ADORA2B: variants seen among roughly 807,000 people sequenced by gnomAD.
ADORA2B encodes adenosine receptor A2b.
A neutral mutation model predicts 20.8 loss-of-function variants in ADORA2B; 18 were observed. The ratio of observed to expected loss-of-function variants is 0.87; its 90% CI spans 0.60 to 1.29. The LOEUF is 1.29. ADORA2B is among the 50% of genes most tolerant of loss of function. The pLI is 0.00. For missense variants in ADORA2B, 441 were observed against 422.7 expected, an observed-to-expected ratio of 1.04 and a Z score of -0.38; for synonymous variants, 179 against 178.3, an observed-to-expected ratio of 1.00 and a Z score of -0.03.
At chr17:15,973,110 C>T (rs1289317976) in intron 1 of ADORA2B, among the ~76,000 whole-genome samples, 1 of 152,194 alleles carries the variant, frequency 6.6e-6, no homozygotes, top group Non-Finnish European at 1.5e-5. Flanking sequence ...CTCCAGCAGT[C>T]TGCAGAGGTA....
At chr17:15,893,470 C>T in the ADORA2B span, among the ~76,000 whole-genome samples, 2 of 150,680 alleles carry the variant, frequency 1.3e-5, no homozygotes, top group South Asian at 4.2e-4. Flanking sequence ...ATAATCAGCC[C>T]TTCCTTCCTT....
chr17:15,855,940 A>G, the ADORA2B span, among the ~76,000 whole-genome samples: 3 of 151,008 alleles, frequency 2.0e-5, no homozygotes, highest in Non-Finnish European at 4.4e-5. Context: ...CCACTGAACA[A>G]CTCCCCACTT....
Position 15,945,320 on chromosome 17 carries a change from C to T in ADORA2B, c.72C>T (p.Gly24=). The stretch of plus-strand genomic sequence containing the variant: ...TCATCGCCGCGCTTTCGGTGGCGGG[C>T]AACGTGCTGGTGTGCGCCGCGGTGG... The part of the protein sequence containing the change: ...ELVIAALSVA[G]NVLVCAAVGT... The change falls in exon 1 of 2, where the codon GGC becomes GGT. Residue 24 remains glycine, a synonymous_variant. Transcript: ENST00000304222. 2 of 1,588,646 alleles carry T rather than the reference C, an allele frequency of 1.3e-6. No individual in the cohort carries two copies. The highest frequency in any genetic ancestry group is 1.7e-6 in the Non-Finnish European group (2 of 1,170,806).
At chr17:15,890,060 C>A in the ADORA2B span, among the ~76,000 whole-genome samples, 3 of 129,774 alleles carry the variant, frequency 2.3e-5, 1 homozygote, top group South Asian at 6.9e-4. Flanking sequence ...TGGGTCAAAT[C>A]GTATTTTCAT....
At position 15,974,822 on chromosome 17, in the gene ADORA2B, G is replaced by C. The variant is rs980999644; in HGVS notation, c.479G>C (p.Gly160Ala). Residue 160 changes from glycine to alanine, a missense_variant, in exon 2 of 2, where the codon GGA becomes GCA. Transcript: ENST00000304222. ...AACAACTGCACAGAACCCTGGGATG[G>C]AACCACGAATGAAAGCTGCTGCCTT... is the stretch of plus-strand genomic sequence containing the variant. ...ATNNCTEPWD[G>A]TTNESCCLVK... The C allele has an allele frequency of 1.2e-6, 2 of 1,614,190 alleles. No individual in the cohort carries two copies. The highest frequency in any genetic ancestry group is 1.7e-6 in the Non-Finnish European group (2 of 1,180,042).
the ADORA2B span, among the ~76,000 whole-genome samples, chr17:15,932,508 A>G: frequency 6.6e-6 from 1 of 151,100 alleles, no homozygotes. Context: ...AAAAAAAAAA[A>G]GAAAGAAATT....
At chr17:15,943,087 C>G (rs1969758635), upstream of ADORA2B, among the ~76,000 whole-genome samples, 1 of 152,144 alleles carries the variant, frequency 6.6e-6, no homozygotes, top group Non-Finnish European at 1.5e-5. Flanking sequence ...CAGGTGATTC[C>G]AGAACTCACG....
chr17:15,912,867 T>C, the ADORA2B span, among the ~76,000 whole-genome samples: 1 of 152,350 alleles, frequency 6.6e-6, no homozygotes, highest in South Asian at 2.1e-4. Context: ...GCATCATCTG[T>C]GGACATTTCG....
At chr17:15,925,323 A>G in the ADORA2B span, among the ~76,000 whole-genome samples, 3 of 152,272 alleles carry the variant, frequency 2.0e-5, no homozygotes, top group South Asian at 6.2e-4. Context: ...GGCGTGAGCC[A>G]CCGTGCCCAG....
At chr17:15,945,109 A>G (rs868508245), upstream of ADORA2B, 54 of 704,700 alleles carry the variant, frequency 7.7e-5, no homozygotes, top group African/African-American at 9.3e-4. Context: ...CCCGGCCACC[A>G]GCGCCCCAGC....
chr17:15,923,875 T>A, the ADORA2B span, among the ~76,000 whole-genome samples: 1 of 152,160 alleles, frequency 6.6e-6, no homozygotes, highest in African/African-American at 2.4e-5. Context: ...TTAATTTTTG[T>A]CTCTTCTTTT....
chr17:15,933,817 A>G, the ADORA2B span, among the ~76,000 whole-genome samples: 2 of 152,106 alleles, frequency 1.3e-5, no homozygotes, highest in Admixed American at 6.5e-5. Flanking sequence ...TCTCCTTTCT[A>G]ATCTGGATGC....
At chr17:15,854,988 G>A in the ADORA2B span, among the ~76,000 whole-genome samples, 1 of 150,628 alleles carries the variant, frequency 6.6e-6, no homozygotes, top group African/African-American at 2.4e-5. Flanking sequence ...AGAGTGCAAT[G>A]GCACCATCTT....
At chr17:15,874,971 G>A in the ADORA2B span, among the ~76,000 whole-genome samples, 1 of 151,934 alleles carries the variant, frequency 6.6e-6, no homozygotes, top group Non-Finnish European at 1.5e-5. Context: ...AGGAGAAAAT[G>A]GCATTCCTTT....
intron 1 of ADORA2B, among the ~76,000 whole-genome samples, chr17:15,972,664 A>G (rs73276049): frequency 0.032 from 4,884 of 152,276 alleles, 260 homozygotes; most frequent in African/African-American, 0.11. Context: ...TACATGTTGT[A>G]TCTCTCAACT....
the ADORA2B span, among the ~76,000 whole-genome samples, chr17:15,864,709 T>C: frequency 5.3e-5 from 8 of 152,044 alleles, no homozygotes; most frequent in African/African-American, 1.4e-4. Flanking sequence ...CTCTGGTTAG[T>C]GGCAGCAAGG....
At position 15,945,577 on chromosome 17, in the gene ADORA2B, C is replaced by G. The variant is rs763425220; in HGVS notation, c.329C>G (p.Pro110Arg). The change falls in exon 1 of 2, where the codon CCG (proline) becomes CGG (arginine). Residue 110 changes from proline to arginine, a missense_variant. By Grantham distance (103) the Pro-to-Arg change is moderately radical. Coordinates refer to ENST00000304222, the MANE Select transcript of ADORA2B (RefSeq NM_000676.4). The part of the protein sequence containing the change: ...AVDRYLAICV[P>R]LRYKSLVTGT... ...GACAGATACCTGGCCATCTGTGTCCCGCTCAGGTGAGGCGCTCGGCGTCGC... is the reference window on the plus strand; with the variant it reads ...GACAGATACCTGGCCATCTGTGTCCGGCTCAGGTGAGGCGCTCGGCGTCGC... 1.3e-6 allele frequency: 2 copies of G among 1,516,932 alleles called. No homozygotes were observed. The highest frequency in any genetic ancestry group is 1.8e-6 in the Non-Finnish European group (2 of 1,135,832). 94.0% of individuals were successfully genotyped at this position (1,516,932 alleles called of 1,614,324 possible). A position where few individuals can be genotyped will look rare whatever the true frequency, so the allele number is the denominator to read the frequency against.
At chr17:15,965,596 C>T (rs368633711) in intron 1 of ADORA2B, among the ~76,000 whole-genome samples, 27 of 152,238 alleles carry the variant, frequency 1.8e-4, no homozygotes, top group African/African-American at 6.5e-4. Flanking sequence ...TGCTTTGGTT[C>T]ACCTGTGATT....
the ADORA2B span, among the ~76,000 whole-genome samples, chr17:15,914,203 A>C: frequency 6.6e-6 from 1 of 152,038 alleles, no homozygotes; most frequent in East Asian, 1.9e-4. Context: ...GGTTAATTCA[A>C]AAAAAAATTC....
Sources: gnomAD v4.1 joint callset for allele counts (sites outside exome capture counted in the v4.1 genomes callset) on GRCh38, gnomAD v4.1.1 for gene constraint, MANE v1.5 for transcripts, NCBI Gene and HGNC (gene_info 2026-07-23, HGNC 2026-07-21) for gene names.